PDE4D: variants seen among roughly 807,000 people sequenced by gnomAD.
PDE4D encodes 3',5'-cyclic-AMP phosphodiesterase 4D.
PDE4D carries 24 observed loss-of-function variants against 87.4 expected under a neutral mutation model. The observed-to-expected ratio is 0.27, with a 90% CI of 0.20 to 0.39. PDE4D has a LOEUF of 0.39. Ranked by LOEUF, PDE4D falls within the 10% of genes least tolerant of loss-of-function variation. The probability of loss-of-function intolerance (pLI) is 1.00; values close to 1 mark genes in which losing one functional copy is unlikely to be tolerated. For missense variants in PDE4D, 714 were observed against 1,041.0 expected (o/e 0.69, Z 4.32); for synonymous variants, 384 against 383.2 (o/e 1.00, Z -0.02).
intron 1 of PDE4D, among the ~76,000 whole-genome samples, chr5:59,257,689 T>G (rs980024706): frequency 6.6e-6 from 1 of 152,018 alleles, no homozygotes; most frequent in African/African-American, 2.4e-5. Context: ...GTGTGTCACT[T>G]GCTACTTAAA....
intron 2 of PDE4D, among the ~76,000 whole-genome samples, chr5:59,200,054 C>CACGT (rs1185040193): frequency 1.7e-4 from 14 of 80,604 alleles, no homozygotes; most frequent in Non-Finnish European, 3.6e-4. Flanking sequence ...TATGTACACA[C>CACGT]ATGCATGTAC....
chr5:59,440,094 G>C (rs954595709), intron 1 of PDE4D, among the ~76,000 whole-genome samples: 1 of 151,802 alleles, frequency 6.6e-6, no homozygotes, highest in African/African-American at 2.4e-5. Flanking sequence ...TCATTTTTTC[G>C]GTCATGATTC....
intron 5 of PDE4D, among the ~76,000 whole-genome samples, chr5:59,123,237 A>T (rs1292479608): frequency 1.1e-4 from 16 of 152,172 alleles, no homozygotes; most frequent in Non-Finnish European, 1.5e-5. Flanking sequence ...CCTGAACTTC[A>T]TCTGGAAGTC....
At chr5:60,064,489 A>G (rs1771830847) in intron 2 of PDE4D, among the ~76,000 whole-genome samples, 1 of 152,114 alleles carries the variant, frequency 6.6e-6, no homozygotes, top group East Asian at 1.9e-4. Context: ...AAATCCACAC[A>G]GCATTAATGA....
chr5:60,218,116 T>C (rs1412428940), intron 1 of PDE4D, among the ~76,000 whole-genome samples: 1 of 151,726 alleles, frequency 6.6e-6, no homozygotes, highest in Non-Finnish European at 1.5e-5. Context: ...AACTGAAAAA[T>C]GAAAATAAAG....
chr5:60,152,144 G>T (rs371880952), intron 2 of PDE4D, among the ~76,000 whole-genome samples: 6 of 152,030 alleles, frequency 3.9e-5, no homozygotes, highest in East Asian at 1.9e-4. Context: ...GTACGCTGTT[G>T]AATTCAGTTT....
chr5:59,038,823 C>T, intron 6 of PDE4D, 36 bp downstream of exon 6: 1 of 1,443,158 alleles, frequency 6.9e-7, no homozygotes, highest in Non-Finnish European at 9.2e-7. Context: ...GAATCAGCAG[C>T]CTGGGGGCAC....
At chr5:60,178,208 A>G (rs1280726580) in intron 2 of PDE4D, among the ~76,000 whole-genome samples, 1 of 152,126 alleles carries the variant, frequency 6.6e-6, no homozygotes, top group Non-Finnish European at 1.5e-5. Flanking sequence ...ATTCTGAGTC[A>G]CTTTTACCAA....
intron 1 of PDE4D, among the ~76,000 whole-genome samples, chr5:59,866,273 C>T (rs1747025385): frequency 6.6e-6 from 1 of 152,128 alleles, no homozygotes; most frequent in Non-Finnish European, 1.5e-5. Flanking sequence ...TCTCATTATA[C>T]TTTCATTTCT....
At chr5:59,007,579 T>C (rs1360223218) in intron 6 of PDE4D, among the ~76,000 whole-genome samples, 1 of 152,166 alleles carries the variant, frequency 6.6e-6, no homozygotes, top group Non-Finnish European at 1.5e-5. Flanking sequence ...AAAACTATAC[T>C]TTCTTTGATT....
chr5:60,130,560 C>T (rs942612141), intron 2 of PDE4D, among the ~76,000 whole-genome samples: 28 of 152,236 alleles, frequency 1.8e-4, no homozygotes, highest in African/African-American at 6.7e-4. Context: ...TCAACTGATT[C>T]CACTGCACAA....
chr5:59,251,243 C>A (rs1759886261), intron 1 of PDE4D, among the ~76,000 whole-genome samples: 1 of 152,072 alleles, frequency 6.6e-6, no homozygotes, highest in Non-Finnish European at 1.5e-5. Context: ...AAACAGACAA[C>A]CTACAGAATG....
chr5:59,492,138 A>G (rs769868160), intron 1 of PDE4D, among the ~76,000 whole-genome samples: 1 of 152,204 alleles, frequency 6.6e-6, no homozygotes, highest in Non-Finnish European at 1.5e-5. Flanking sequence ...AATCTGGCTT[A>G]CGGCATGTTG....
chr5:59,441,975 A>G (rs1212739476), intron 1 of PDE4D, among the ~76,000 whole-genome samples: 1 of 152,130 alleles, frequency 6.6e-6, no homozygotes. Flanking sequence ...TTTTTATCCA[A>G]TTCACACATC....
chr5:59,578,967 C>T lies in PDE4D; in HGVS notation c.455+314201G>A, dbSNP rs575321487. Among the ~76,000 whole-genome samples, 510 of 152,058 alleles carry T rather than the reference C, an allele frequency of 3.4e-3. 2 individuals are homozygous for T. Among genetic ancestry groups the T allele is most frequent in the African/African-American group, 0.012 (481 of 41,434 alleles). ...TCCTCCTCTTCTTCTCCTCCTCCTT[C>T]GTTCTTAAGCAAAATTTTGAAAGAA... On this transcript the variant is annotated intron_variant, in intron 1 of 14. Coordinates refer to ENST00000340635, the MANE Select transcript of PDE4D (RefSeq NM_001104631.2).
intron 1 of PDE4D, among the ~76,000 whole-genome samples, chr5:60,221,278 A>G (rs1475923287): frequency 6.6e-6 from 1 of 152,148 alleles, no homozygotes; most frequent in Non-Finnish European, 1.5e-5. Context: ...ACATCAAAAT[A>G]AAATAAATCA....
chr5:59,847,334 A>ATATT (rs1744015266), intron 1 of PDE4D, among the ~76,000 whole-genome samples: 1 of 152,006 alleles, frequency 6.6e-6, no homozygotes, highest in South Asian at 2.1e-4. Context: ...TGGATCTACA[A>ATATT]TATTTTAAAA....
At chr5:59,211,813 T>C (rs1358205627) in intron 2 of PDE4D, among the ~76,000 whole-genome samples, 1 of 152,132 alleles carries the variant, frequency 6.6e-6, no homozygotes, top group Non-Finnish European at 1.5e-5. Flanking sequence ...TTGGTTTCTA[T>C]TTATAGAGGA....
intron 2 of PDE4D, among the ~76,000 whole-genome samples, chr5:60,118,192 G>A (rs567265905): frequency 2.0e-5 from 3 of 152,120 alleles, no homozygotes; most frequent in African/African-American, 7.2e-5. Flanking sequence ...AACTCTCATA[G>A]TTTCTTACTT....
Sources: gnomAD v4.1 joint callset for allele counts (sites outside exome capture counted in the v4.1 genomes callset) on GRCh38, gnomAD v4.1.1 for gene constraint, MANE v1.5 for transcripts, NCBI Gene and HGNC (gene_info 2026-07-23, HGNC 2026-07-21) for gene names.